TAF2: variants seen among roughly 807,000 people sequenced by gnomAD.
TAF2 encodes TATA-box binding protein associated factor 2, also known as transcription initiation factor TFIID subunit 2.
In TAF2, 61 loss-of-function variants were observed where a neutral mutation model predicts 138.5. The observed-to-expected ratio is 0.44, with a 90% CI of 0.36 to 0.54. The LOEUF (loss-of-function observed/expected upper bound fraction) is 0.54. Among genes scored for constraint, TAF2 ranks in the 20% least tolerant of loss-of-function variants. The probability of loss-of-function intolerance (pLI) is 0.00; values close to 1 mark genes in which losing one functional copy is unlikely to be tolerated. For synonymous variants in TAF2, 475 were observed against 469.9 expected, an observed-to-expected ratio of 1.01 and a Z score of -0.14; for missense variants, 1,090 against 1,427.9, an observed-to-expected ratio of 0.76 and a Z score of 3.81.
At chr8:119,830,289 T>TAC (rs1196063413) in intron 2 of TAF2, among the ~76,000 whole-genome samples, 3 of 152,188 alleles carry the variant, frequency 2.0e-5, no homozygotes, top group Non-Finnish European at 4.4e-5. Context: ...ATTATGAAGA[T>TAC]TAAGTGAGTT....
At chr8:119,738,841 G>C (rs1302734831) in intron 25 of TAF2, among the ~76,000 whole-genome samples, 1 of 151,954 alleles carries the variant, frequency 6.6e-6, no homozygotes, top group East Asian at 1.9e-4. Context: ...CACAAAACCT[G>C]CAGTTTTTAT....
intron 14 of TAF2, among the ~76,000 whole-genome samples, chr8:119,787,259 G>A (rs895563073): frequency 1.3e-5 from 2 of 152,118 alleles, no homozygotes; most frequent in Non-Finnish European, 2.9e-5. Context: ...AATGCTAAAT[G>A]ACGTGTTAAT....
rs1160268226 is a variant in TAF2 at position 119,773,899 on chromosome 8, C to T, written c.2364+4120G>A. Among the ~76,000 whole-genome samples, 5 of 151,658 alleles carry T rather than the reference C, an allele frequency of 3.3e-5. No homozygotes were observed. The East Asian group carries it at 7.7e-4, about 23-fold the overall frequency. ...TAAAAATATTGTTCTTGGCCAGGCG[C>T]GATGGCTCACGCCTCTAATCCCAGC... On this transcript the variant is annotated intron_variant, in intron 18 of 25. Transcript: ENST00000378164.
At position 119,790,042 on chromosome 8, in the gene TAF2, G is replaced by A. The variant is rs543753902; in HGVS notation, c.1414-296C>T. ...CCTATAATTTATTGTAGTTTATATAGAAACTAGAAATTAAGAAGCTAATGA... is the reference window on the plus strand; with the variant it reads ...CCTATAATTTATTGTAGTTTATATAAAAACTAGAAATTAAGAAGCTAATGA... On this transcript the variant is annotated intron_variant, in intron 11 of 25. Transcript: ENST00000378164. Among the ~76,000 whole-genome samples the A allele has an allele frequency of 2.7e-4, 41 of 152,070 alleles. No homozygotes were observed. The East Asian group carries it at 7.1e-3, about 27-fold the overall frequency.
At chr8:119,823,230 A>G (rs1473582241) in intron 2 of TAF2, among the ~76,000 whole-genome samples, 7 of 152,152 alleles carry the variant, frequency 4.6e-5, no homozygotes, top group African/African-American at 1.2e-4. Context: ...AAAAAGTAGA[A>G]TATGTTCACT....
intron 6 of TAF2, 114 bp from the exon 7 acceptor site, chr8:119,797,960 A>G (rs1292157800): frequency 9.9e-7 from 1 of 1,012,268 alleles, no homozygotes; most frequent in African/African-American, 1.6e-5. Context: ...TTCTTTAATA[A>G]TTTCAAGATG....
chr8:119,803,598 A>G (rs1210288401), intron 5 of TAF2, among the ~76,000 whole-genome samples: 1 of 152,056 alleles, frequency 6.6e-6, no homozygotes, highest in Non-Finnish European at 1.5e-5. Flanking sequence ...AGGCTGAGGC[A>G]TGAGAATCAC....
chr8:119,788,701 A>G, intron 13 of TAF2, 89 bp downstream of exon 13: 1 of 965,284 alleles, frequency 1.0e-6, no homozygotes, highest in East Asian at 2.4e-5. Flanking sequence ...AAATCTCATT[A>G]ATTTCTAAGT....
intron 17 of TAF2, among the ~76,000 whole-genome samples, chr8:119,779,951 C>T (rs1219035743): frequency 1.3e-5 from 2 of 152,194 alleles, no homozygotes; most frequent in Non-Finnish European, 2.9e-5. Flanking sequence ...TTCCCTGTGT[C>T]ATACATGCCT....
intron 6 of TAF2, among the ~76,000 whole-genome samples, chr8:119,801,592 C>T (rs190039589): frequency 1.9e-4 from 29 of 152,146 alleles, no homozygotes; most frequent in African/African-American, 6.5e-4. Context: ...CCACGCCTGG[C>T]TAATTTTTTG....
intron 3 of TAF2, among the ~76,000 whole-genome samples, chr8:119,815,916 TATGTA>T (rs1196049890): frequency 6.6e-6 from 1 of 152,220 alleles, no homozygotes; most frequent in Non-Finnish European, 1.5e-5. Context: ...ATTGTTAGTA[TATGTA>T]ATGTAACATG....
rs1040378384 is a variant in TAF2, at chr8:119,732,218, T to C, written c.3338-32A>G. The C allele has an allele frequency of 1.3e-6, 2 of 1,598,702 alleles. 1 individual carries two copies. Among genetic ancestry groups the C allele is most frequent in the East Asian group, 4.5e-5 (2 of 44,780 alleles). On this transcript the variant is annotated intron_variant, in intron 25 of 25. Coordinates refer to ENST00000378164, the MANE Select transcript of TAF2 (RefSeq NM_003184.4). The stretch of plus-strand genomic sequence containing the variant: ...GATTAAAAATACCCAAATGAATTCC[T>C]GCTGATGATACGGAAAGCCAGACTA...
At chr8:119,743,955 T>G (rs976839426) in intron 24 of TAF2, among the ~76,000 whole-genome samples, 1 of 152,130 alleles carries the variant, frequency 6.6e-6, no homozygotes, top group African/African-American at 2.4e-5. Flanking sequence ...CAGCTTTAAC[T>G]GCAGTTAAAA....
chr8:119,768,560 G>A (rs1368310483), intron 18 of TAF2, among the ~76,000 whole-genome samples: 1 of 152,158 alleles, frequency 6.6e-6, no homozygotes, highest in African/African-American at 2.4e-5. Context: ...AATGTATTGA[G>A]ACTTGCTTTC....
intron 3 of TAF2, among the ~76,000 whole-genome samples, chr8:119,813,813 G>T (rs572621853): frequency 6.6e-6 from 1 of 151,770 alleles, no homozygotes; most frequent in South Asian, 2.1e-4. Flanking sequence ...TAATGAAAGG[G>T]GTGTGTTAAA....
chr8:119,750,114 A>C (rs1177355213), intron 22 of TAF2, among the ~76,000 whole-genome samples: 2 of 152,186 alleles, frequency 1.3e-5, no homozygotes, highest in African/African-American at 4.8e-5. Context: ...AGGCCGAGGC[A>C]GGAGGATCAC....
At chr8:119,762,336 C>T (rs998344833) in intron 19 of TAF2, 79 bp downstream of exon 19, 1 of 1,395,670 alleles carries the variant, frequency 7.2e-7, no homozygotes, top group Non-Finnish European at 9.9e-7. Flanking sequence ...TACTATATTT[C>T]CCAATTTTCT....
At chr8:119,785,110 G>A (rs1822925897) in intron 15 of TAF2, 91 bp downstream of exon 15, 2 of 961,128 alleles carry the variant, frequency 2.1e-6, no homozygotes, top group Non-Finnish European at 3.3e-6. Flanking sequence ...TCATTTGGAG[G>A]ACAGTTATAC....
intron 25 of TAF2, among the ~76,000 whole-genome samples, chr8:119,732,526 G>A (rs187166074): frequency 1.1e-3 from 162 of 152,184 alleles, no homozygotes; most frequent in Non-Finnish European, 1.8e-3. Flanking sequence ...CACTGGGTCC[G>A]GGGGCGGTGG....
Sources: allele counts gnomAD v4.1 joint callset (sites outside exome capture counted in the v4.1 genomes callset), GRCh38; gene constraint gnomAD v4.1.1; transcripts MANE v1.5; gene names NCBI Gene and HGNC (gene_info 2026-07-23, HGNC 2026-07-21).